Variants in DARS1 observed in about 807,000 individuals in gnomAD.
DARS1 encodes the protein aspartyl-tRNA synthetase 1.
DARS1 carries 51 observed loss-of-function variants against 68.8 expected under a neutral mutation model. The observed-to-expected ratio is 0.74, with a 90% CI of 0.59 to 0.94. The LOEUF is 0.94. Among genes scored for constraint, DARS1 ranks in the 40% least tolerant of loss-of-function variants. The pLI is 0.00. For missense variants in DARS1, 607 were observed against 597.3 expected (o/e 1.02, Z -0.17); for synonymous variants, 203 against 190.4 (o/e 1.07, Z -0.55).
At position 135,916,212 on chromosome 2, in the gene DARS1, C is replaced by T. The variant is rs781285240; in HGVS notation, c.1106+14G>A. On this transcript the variant is annotated intron_variant, in intron 11 of 15. Transcript: ENST00000264161. ...CCTGGAACTTAAAGTAAAAAAAAAG[C>T]CACAAAGACAAACCTCAGATCGTCT... 14 of 1,535,788 alleles carry T rather than the reference C, an allele frequency of 9.1e-6. No individual in the cohort carries two copies. The highest frequency in any genetic ancestry group is 1.4e-5 in the African/African-American group (1 of 72,898).
At chr2:135,914,304 T>C (rs1043546633) in intron 12 of DARS1, among the ~76,000 whole-genome samples, 165 bp downstream of exon 12, 10 of 152,228 alleles carry the variant, frequency 6.6e-5, no homozygotes, top group Non-Finnish European at 1.0e-4. Flanking sequence ...TCTGAATATT[T>C]CTCAATTTTC....
intron 4 of DARS1, among the ~76,000 whole-genome samples, chr2:135,946,682 TG>T (rs1376175346): frequency 6.6e-6 from 1 of 151,978 alleles, no homozygotes; most frequent in Admixed American, 6.6e-5. Context: ...AGGAGACACG[TG>T]AAAAAATATT....
chr2:135,959,961 G>A (rs1445193790), intron 4 of DARS1, among the ~76,000 whole-genome samples: 1 of 152,110 alleles, frequency 6.6e-6, no homozygotes, highest in Non-Finnish European at 1.5e-5. Context: ...ATAGAATTTA[G>A]CATCTATGTC....
At chr2:135,964,234 C>T (rs1001453859) in intron 3 of DARS1, among the ~76,000 whole-genome samples, 3 of 152,112 alleles carry the variant, frequency 2.0e-5, no homozygotes, top group African/African-American at 7.2e-5. Context: ...AAAAAACCAC[C>T]AAAATGTGGC....
intron 2 of DARS1, 114 bp downstream of exon 2, chr2:135,983,283 A>G (rs901618583): frequency 1.8e-5 from 12 of 670,894 alleles, no homozygotes; most frequent in Middle Eastern, 2.5e-4. Flanking sequence ...ATGTCATTTA[A>G]GCTTTTCAGA....
Position 135,979,256 on chromosome 2 carries a change from TA to T in DARS1, c.217+17del. 9.6e-7 allele frequency: 1 copy of T among 1,044,748 alleles called. No individual in the cohort carries two copies. The highest frequency in any genetic ancestry group is 1.5e-6 in the Non-Finnish European group (1 of 664,114). 64.7% of individuals were successfully genotyped at this position (1,044,748 alleles called of 1,614,324 possible). On this transcript the variant is annotated intron_variant, in intron 3 of 15. Transcript: ENST00000264161. Reference sequence around the variant, plus strand: ...GGAGTCCTTACCGAAAGAGCTTTAATAATGAAACCAATCCTACCTTTAGCTC... The same window carrying T: ...GGAGTCCTTACCGAAAGAGCTTTAATATGAAACCAATCCTACCTTTAGCTC...
chr2:135,940,121 C>G (rs988595199), intron 5 of DARS1, among the ~76,000 whole-genome samples: 1 of 152,126 alleles, frequency 6.6e-6, no homozygotes, highest in Admixed American at 6.5e-5. Context: ...CTATTCCAAT[C>G]AACAGAAAAA....
chr2:135,971,315 T>C (rs1024102000), intron 3 of DARS1, among the ~76,000 whole-genome samples: 3 of 152,130 alleles, frequency 2.0e-5, no homozygotes, highest in Admixed American at 6.5e-5. Flanking sequence ...TAATACATTG[T>C]ATCAACAGGA....
rs142732859 is a variant in DARS1, at chr2:135,973,296, T to C, written c.217+5978A>G. Among the ~76,000 whole-genome samples, 28 of 152,318 alleles carry C rather than the reference T, an allele frequency of 1.8e-4. No homozygotes were observed. In the East Asian group the frequency reaches 4.8e-3, roughly 26 times the overall value. On this transcript the variant is annotated intron_variant, in intron 3 of 15. Coordinates refer to ENST00000264161, the MANE Select transcript of DARS1 (RefSeq NM_001349.4). The stretch of plus-strand genomic sequence containing the variant: ...ACAACATAGATGGAACTGGAGGTCA[T>C]TTTAAGTGAAATAAGCCAGGCACAG...
At chr2:135,924,298 T>C in intron 8 of DARS1, 89 bp downstream of exon 8, 1 of 1,359,646 alleles carries the variant, frequency 7.4e-7, no homozygotes, top group Non-Finnish European at 9.7e-7. Context: ...ACACTTGGGA[T>C]TCTCAAGTTA....
chr2:135,970,204 T>C (rs1575406039), intron 3 of DARS1, among the ~76,000 whole-genome samples: 1 of 135,648 alleles, frequency 7.4e-6, no homozygotes, highest in Non-Finnish European at 1.5e-5. Context: ...ATCATACCTG[T>C]GAATAACCAC....
intron 3 of DARS1, among the ~76,000 whole-genome samples, chr2:135,972,378 T>C (rs1297472349): frequency 6.6e-6 from 1 of 152,192 alleles, no homozygotes; most frequent in East Asian, 1.9e-4. Context: ...GATATCCATA[T>C]GCAAAAGACT....
chr2:135,956,055 T>C (rs1681967724), intron 4 of DARS1, among the ~76,000 whole-genome samples: 1 of 152,210 alleles, frequency 6.6e-6, no homozygotes, highest in Non-Finnish European at 1.5e-5. Context: ...CTCAGACTTT[T>C]ATATTTCTCA....
At chr2:135,935,603 AAAATAAAT>A (rs990911013) in intron 5 of DARS1, among the ~76,000 whole-genome samples, 6 of 152,144 alleles carry the variant, frequency 3.9e-5, no homozygotes, top group African/African-American at 7.2e-5. Flanking sequence ...CTGTCTCGAA[AAAATAAAT>A]AAATAAATAA....
At chr2:135,920,028 G>A (rs1681082650) in intron 10 of DARS1, among the ~76,000 whole-genome samples, 1 of 152,186 alleles carries the variant, frequency 6.6e-6, no homozygotes, top group Non-Finnish European at 1.5e-5. Flanking sequence ...ACACAGAGAA[G>A]GAGCAGAGCT....
intron 4 of DARS1, among the ~76,000 whole-genome samples, chr2:135,946,280 G>C (rs1470007002): frequency 6.6e-6 from 1 of 152,068 alleles, no homozygotes; most frequent in Non-Finnish European, 1.5e-5. Flanking sequence ...GGAGGGGAGG[G>C]GAAGAAAGAA....
At chr2:135,968,009 C>T (rs1182610849) in intron 3 of DARS1, among the ~76,000 whole-genome samples, 1 of 152,140 alleles carries the variant, frequency 6.6e-6, no homozygotes, top group Non-Finnish European at 1.5e-5. Context: ...TCTGTAATCC[C>T]AGCACTTTGG....
rs190715597 is a variant in DARS1, at chr2:135,945,374, C to T, written c.321-1894G>A. ...AACTCCTGACCTCAGGTGATCCACC[C>T]GTCTTGGCCTCCCAAACTGCTGGGA... On this transcript the variant is annotated intron_variant, in intron 4 of 15. Coordinates refer to ENST00000264161, the MANE Select transcript of DARS1 (RefSeq NM_001349.4). 3.4e-3 allele frequency among the ~76,000 whole-genome samples: 511 copies of T among 152,158 alleles called. 3 individuals carry two copies. The highest frequency in any genetic ancestry group is 0.028 in the South Asian group (133 of 4,812).
chr2:135,924,581 C>G (rs1217934884), intron 7 of DARS1, 83 bp from the exon 8 acceptor site: 1 of 1,484,894 alleles, frequency 6.7e-7, no homozygotes, highest in African/African-American at 1.5e-5. Context: ...CTGTGGAAAC[C>G]TAACAATTCT....
Sources: gnomAD v4.1 joint callset for allele counts (sites outside exome capture counted in the v4.1 genomes callset) on GRCh38, gnomAD v4.1.1 for gene constraint, MANE v1.5 for transcripts, NCBI Gene and HGNC (gene_info 2026-07-23, HGNC 2026-07-21) for gene names.